Variants in EFCAB5 observed in about 807,000 individuals in gnomAD.
EFCAB5 encodes EF-hand calcium binding domain 5, also known as EF-hand calcium-binding domain-containing protein 5.
A neutral mutation model predicts 167.9 loss-of-function variants in EFCAB5; 131 were observed. The observed-to-expected ratio is 0.78, with a 90% CI of 0.68 to 0.90. The LOEUF (loss-of-function observed/expected upper bound fraction) is 0.90. Ranked by LOEUF, EFCAB5 falls within the 40% of genes least tolerant of loss-of-function variation. EFCAB5 has a pLI of 0.00. For missense variants in EFCAB5, 1,663 were observed against 1,745.2 expected (o/e 0.95, Z 0.84); for synonymous variants, 574 against 602.8 (o/e 0.95, Z 0.70).
intron 8 of EFCAB5, among the ~76,000 whole-genome samples, chr17:30,048,996 G>C (rs938938455): frequency 6.6e-6 from 1 of 151,914 alleles, no homozygotes; most frequent in Non-Finnish European, 1.5e-5. Context: ...CATTCTCTTA[G>C]GGCTAAGGCA....
Position 30,004,839 on chromosome 17 carries a change from G to A in EFCAB5, c.1044+4863G>A, listed in dbSNP as rs530174848. On this transcript the variant is annotated intron_variant, in intron 7 of 22. Coordinates refer to ENST00000394835, the MANE Select transcript of EFCAB5 (RefSeq NM_198529.4). ...TTTAGTAGAGACAAGGTTTCACCAC[G>A]TTGGCCAGGCTGGTCTCGAACTCCT... Among the ~76,000 whole-genome samples, 45 of 134,178 alleles carry A rather than the reference G, an allele frequency of 3.4e-4. No individual in the cohort carries two copies. The East Asian group carries it at 4.9e-3, about 15-fold the overall frequency. 88.0% of individuals were successfully genotyped at this position (134,178 alleles called of 152,430 possible).
chr17:30,096,685 T>A lies in EFCAB5; in HGVS notation c.4321+3749T>A, dbSNP rs1330039109. Reference sequence around the variant, plus strand: ...TATATATATATATATATATTTTTTTTTTTTTTTTTTTTGAGATGGAGTCTT... The same window carrying A: ...TATATATATATATATATATTTTTTTATTTTTTTTTTTTGAGATGGAGTCTT... On this transcript the variant is annotated intron_variant, in intron 22 of 22. Coordinates refer to ENST00000394835, the MANE Select transcript of EFCAB5 (RefSeq NM_198529.4). Among the ~76,000 whole-genome samples the A allele has an allele frequency of 1.1e-3, 144 of 128,422 alleles. No individual in the cohort carries two copies. In the East Asian group the frequency reaches 0.015, roughly 13 times the overall value. The allele number at this position is 128,422 out of a possible 152,430, so 84.2% of individuals were successfully genotyped here.
intron 4 of EFCAB5, among the ~76,000 whole-genome samples, chr17:29,981,475 G>A (rs945159922): frequency 6.6e-6 from 1 of 152,106 alleles, no homozygotes; most frequent in Non-Finnish European, 1.5e-5. Flanking sequence ...AAATTGGGTT[G>A]GGATCTTCCC....
At position 30,107,769 on chromosome 17, in the gene EFCAB5, T is replaced by A. The variant is rs540556084; in HGVS notation, c.4322-65T>A. On this transcript the variant is annotated intron_variant, in intron 22 of 22. Coordinates refer to ENST00000394835, the MANE Select transcript of EFCAB5 (RefSeq NM_198529.4). ...TGAACTTTAATCATAATATTAGAAC[T>A]TATAATTTTAATAGTAAAGTGCAAA... is the stretch of plus-strand genomic sequence containing the variant. 6.8e-6 allele frequency: 9 copies of A among 1,320,318 alleles called. No homozygotes were observed. In the South Asian group the frequency reaches 1.5e-4, roughly 22 times the overall value. The allele number at this position is 1,320,318 out of a possible 1,614,324, so 81.8% of individuals were successfully genotyped here. A position where few individuals can be genotyped will look rare whatever the true frequency, so the allele number is the denominator to read the frequency against.
chr17:29,935,035 A>C (rs2067233760), intron 1 of EFCAB5, among the ~76,000 whole-genome samples: 1 of 152,150 alleles, frequency 6.6e-6, no homozygotes, highest in African/African-American at 2.4e-5. Flanking sequence ...AAAAAAAAAG[A>C]CACAAGAAAT....
intron 7 of EFCAB5, among the ~76,000 whole-genome samples, chr17:30,004,623 T>A: frequency 7.3e-6 from 1 of 136,312 alleles, no homozygotes; most frequent in South Asian, 2.4e-4. Context: ...CTGTGGGCAC[T>A]TTTTTTTTTT....
intron 5 of EFCAB5, among the ~76,000 whole-genome samples, chr17:29,995,702 G>A (rs2068529628): frequency 6.6e-6 from 1 of 152,144 alleles, no homozygotes; most frequent in South Asian, 2.1e-4. Context: ...GTTGGCTATT[G>A]CTTCTGCTGT....
chr17:30,042,647 A>G (rs993337058), intron 8 of EFCAB5, among the ~76,000 whole-genome samples: 1 of 150,066 alleles, frequency 6.7e-6, no homozygotes, highest in African/African-American at 2.5e-5. Flanking sequence ...TAATACCACT[A>G]AAAAAAAGTT....
chr17:30,028,614 T>C (rs1875141378), intron 7 of EFCAB5, among the ~76,000 whole-genome samples: 1 of 152,206 alleles, frequency 6.6e-6, no homozygotes, highest in African/African-American at 2.4e-5. Context: ...GAAACATAAA[T>C]CAAGGACCTG....
chr17:30,005,505 AT>A (rs1178967540), intron 7 of EFCAB5, among the ~76,000 whole-genome samples: 1 of 152,126 alleles, frequency 6.6e-6, no homozygotes, highest in Non-Finnish European at 1.5e-5. Context: ...TTCTTATGGA[AT>A]TGTAAATGTT....
At chr17:30,071,190 G>A (rs1024572982) in intron 14 of EFCAB5, among the ~76,000 whole-genome samples, 2 of 149,214 alleles carry the variant, frequency 1.3e-5, no homozygotes, top group Admixed American at 6.7e-5. Context: ...ACAATCAATG[G>A]GGTGAAGAGA....
At chr17:29,936,589 G>C (rs1287131307) in intron 1 of EFCAB5, among the ~76,000 whole-genome samples, 1 of 152,218 alleles carries the variant, frequency 6.6e-6, no homozygotes, top group African/African-American at 2.4e-5. Flanking sequence ...CAAAAGAAAT[G>C]TGATTTTCAG....
intron 12 of EFCAB5, among the ~76,000 whole-genome samples, chr17:30,057,182 C>A (rs2070294914): frequency 6.6e-6 from 1 of 152,118 alleles, no homozygotes; most frequent in Non-Finnish European, 1.5e-5. Context: ...GATTCAAAGG[C>A]TCAACAATAG....
chr17:29,940,869 G>T (rs1489561102), upstream of EFCAB5, among the ~76,000 whole-genome samples: 1 of 151,910 alleles, frequency 6.6e-6, no homozygotes, highest in East Asian at 1.9e-4. Flanking sequence ...GTGAAACCCT[G>T]TCTCTACTAA....
chr17:29,996,369 G>A lies in EFCAB5; in HGVS notation c.973+9G>A, dbSNP rs1359117290. 1.9e-6 allele frequency: 3 copies of A among 1,545,888 alleles called. No homozygotes were observed. ...TCCAGATTTCAAGCTTGGTAAGTCT[G>A]CCTATTACTCTGATATTTTTATTTT... On this transcript the variant is annotated intron_variant, in intron 6 of 22. Coordinates refer to ENST00000394835, the MANE Select transcript of EFCAB5 (RefSeq NM_198529.4).
At chr17:30,093,119 C>T (rs1408097325) in intron 22 of EFCAB5, among the ~76,000 whole-genome samples, 183 bp downstream of exon 22, 1 of 152,172 alleles carries the variant, frequency 6.6e-6, no homozygotes, top group Non-Finnish European at 1.5e-5. Flanking sequence ...ATTGTCTATG[C>T]CACATTTTGA....
Position 29,969,180 on chromosome 17 carries a change from G to C in EFCAB5, c.580G>C (p.Glu194Gln). ...AGTAGAAAACATGTTAACTCAAGTAGAAAAGAAGAAGGTTTTGACAGAAGC... is the reference window on the plus strand; with the variant it reads ...AGTAGAAAACATGTTAACTCAAGTACAAAAGAAGAAGGTTTTGACAGAAGC... Reference protein sequence around the residue: ...PGVENMLTQVEKKKVLTEADT... With the variant: ...PGVENMLTQVQKKKVLTEADT... Residue 194 changes from glutamate to glutamine, a missense_variant, in exon 4 of 23, where the codon GAA becomes CAA. Coordinates refer to ENST00000394835, the MANE Select transcript of EFCAB5 (RefSeq NM_198529.4). 6.2e-7 allele frequency: 1 copy of C among 1,613,542 alleles called. No individual in the cohort carries two copies. The highest frequency in any genetic ancestry group is 8.5e-7 in the Non-Finnish European group (1 of 1,179,826).
At chr17:29,972,654 G>T in intron 4 of EFCAB5, 1 of 164,410 alleles carries the variant, frequency 6.1e-6, no homozygotes, top group South Asian at 1.6e-4. Context: ...GGGGTCTTGT[G>T]GCGGCCTGTT....
intron 3 of EFCAB5, among the ~76,000 whole-genome samples, chr17:29,959,005 G>C (rs972235741): frequency 1.3e-5 from 2 of 152,068 alleles, no homozygotes; most frequent in African/African-American, 2.4e-5. Flanking sequence ...AATGGAGTCT[G>C]TCTCTCTCTC....
Sources: allele counts gnomAD v4.1 joint callset (sites outside exome capture counted in the v4.1 genomes callset), GRCh38; gene constraint gnomAD v4.1.1; transcripts MANE v1.5; gene names NCBI Gene and HGNC (gene_info 2026-07-23, HGNC 2026-07-21).